Variants in TSPAN9 observed in about 807,000 individuals in gnomAD.
TSPAN9 encodes tetraspanin-9.
TSPAN9 carries 16 observed loss-of-function variants against 31.0 expected under a neutral mutation model. The observed-to-expected ratio is 0.52, with a 90% CI of 0.35 to 0.78. The LOEUF (loss-of-function observed/expected upper bound fraction) is 0.78. TSPAN9 is among the 30% of genes least tolerant of loss of function. The pLI is 0.01. For synonymous variants in TSPAN9, 145 were observed against 121.6 expected (o/e 1.19, Z -1.27); for missense variants, 272 against 312.5 (o/e 0.87, Z 0.98).
intron 2 of TSPAN9, among the ~76,000 whole-genome samples, chr12:3,085,487 G>A (rs934585096): frequency 6.6e-6 from 1 of 151,666 alleles, no homozygotes; most frequent in Non-Finnish European, 1.5e-5. Flanking sequence ...CAGACAGGAC[G>A]TTGATCCTCT....
At chr12:3,140,079 C>G (rs901790135) in intron 2 of TSPAN9, among the ~76,000 whole-genome samples, 4 of 152,176 alleles carry the variant, frequency 2.6e-5, no homozygotes, top group Non-Finnish European at 5.9e-5. Flanking sequence ...GGAAGGGTAT[C>G]TCAGGGCAGC....
At chr12:3,236,659 G>T (rs993560086) in intron 3 of TSPAN9, among the ~76,000 whole-genome samples, 11 of 152,290 alleles carry the variant, frequency 7.2e-5, no homozygotes, top group African/African-American at 2.4e-4. Context: ...TGGAGGCGGG[G>T]GTAGAGAAGA....
At chr12:3,123,868 G>A (rs1251305910) in intron 2 of TSPAN9, among the ~76,000 whole-genome samples, 1 of 152,102 alleles carries the variant, frequency 6.6e-6, no homozygotes, top group African/African-American at 2.4e-5. Context: ...GAGGATGTGC[G>A]GAAGAGTTTA....
At chr12:3,196,353 ATCTAAT>A (rs1203369279) in intron 2 of TSPAN9, among the ~76,000 whole-genome samples, 1 of 152,106 alleles carries the variant, frequency 6.6e-6, no homozygotes, top group Admixed American at 6.5e-5. Flanking sequence ...GGGTCCTTTC[ATCTAAT>A]GACATCACAT....
intron 2 of TSPAN9, among the ~76,000 whole-genome samples, chr12:3,153,034 T>G (rs1242013521): frequency 6.6e-6 from 1 of 152,180 alleles, no homozygotes; most frequent in Admixed American, 6.5e-5. Flanking sequence ...GAGCTTCCTT[T>G]TATGGTGCGT....
At chr12:3,127,799 T>C (rs1360842602) in intron 2 of TSPAN9, among the ~76,000 whole-genome samples, 1 of 152,210 alleles carries the variant, frequency 6.6e-6, no homozygotes, top group African/African-American at 2.4e-5. Flanking sequence ...GGTAGACATA[T>C]TTTTAAAAAA....
At chr12:3,151,616 C>G (rs917404646) in intron 2 of TSPAN9, 1 of 152,252 alleles carries the variant, frequency 6.6e-6, no homozygotes, top group Admixed American at 6.5e-5. Flanking sequence ...GACTTGGCTG[C>G]CTCTTCCCGC....
intron 3 of TSPAN9, among the ~76,000 whole-genome samples, chr12:3,207,004 A>G (rs2098375611): frequency 6.6e-6 from 1 of 152,130 alleles, no homozygotes; most frequent in Admixed American, 6.5e-5. Context: ...AGGGGGAGAC[A>G]GCACCTGCTG....
intron 3 of TSPAN9, among the ~76,000 whole-genome samples, chr12:3,233,784 C>G (rs901179763): frequency 6.6e-6 from 1 of 152,200 alleles, no homozygotes; most frequent in Admixed American, 6.5e-5. Flanking sequence ...TCCTGCATCA[C>G]GGGGCAAGGA....
intron 3 of TSPAN9, among the ~76,000 whole-genome samples, chr12:3,246,307 T>C (rs1862126386): frequency 6.6e-6 from 1 of 151,930 alleles, no homozygotes; most frequent in South Asian, 2.1e-4. Flanking sequence ...CTTCCAGCAT[T>C]GGGGGTTACA....
chr12:3,233,454 G>A (rs1239659894), intron 3 of TSPAN9, among the ~76,000 whole-genome samples: 1 of 152,154 alleles, frequency 6.6e-6, no homozygotes, highest in Admixed American at 6.6e-5. Flanking sequence ...GCCTTTTTAT[G>A]TAATGTTGCC....
chr12:3,108,294 T>C (rs543270256), intron 2 of TSPAN9, among the ~76,000 whole-genome samples: 2 of 152,352 alleles, frequency 1.3e-5, no homozygotes, highest in East Asian at 3.9e-4. Flanking sequence ...AACTATTCAT[T>C]CTGCATTCAC....
At chr12:3,211,846 C>T in intron 3 of TSPAN9, 1 of 1,595,650 alleles carries the variant, frequency 6.3e-7, no homozygotes, top group East Asian at 2.2e-5. Context: ...GGCTCTGCAC[C>T]AGGCGTTTCT....
rs369335803 is a variant in TSPAN9 at position 3,206,592 on chromosome 12, T to TTG, written c.63+5338_63+5339dup. ...AAAACAGCCTTCCTTTTGTTTTGTT[T>TTG]TGTTTTTTTTTTTCCTTAGTTTGAA... On this transcript the variant is annotated intron_variant, in intron 3 of 8. Coordinates refer to ENST00000011898, the MANE Select transcript of TSPAN9 (RefSeq NM_006675.5). 4.1e-3 allele frequency among the ~76,000 whole-genome samples: 631 copies of TTG among 152,068 alleles called. 1 individual carries two copies. Among genetic ancestry groups the TTG allele is most frequent in the African/African-American group, 0.015 (604 of 41,506 alleles).
In TSPAN9 at chr12:3,278,516, A is replaced by G; in HGVS notation, c.159A>G (p.Ala53=). Residue 53 remains alanine, a synonymous_variant, in exon 4 of 9, where the codon GCA becomes GCG. Transcript: ENST00000011898. ...TFSPSFPSLS[A]ANLVIAIGTI... ...CCCCCAGCTTCCCTTCGTTGTCTGC[A>G]GCCAACCTGGTCATTGCCATAGGCA... 3 of 1,614,188 alleles carry G rather than the reference A, an allele frequency of 1.9e-6. No homozygotes were observed. The highest frequency in any genetic ancestry group is 2.5e-6 in the Non-Finnish European group (3 of 1,180,018).
At chr12:3,204,905 A>G (rs938548758) in intron 3 of TSPAN9, among the ~76,000 whole-genome samples, 101 of 152,212 alleles carry the variant, frequency 6.6e-4, no homozygotes, top group African/African-American at 2.4e-3. Context: ...GCCATCTGGT[A>G]GAATACTGGT....
chr12:3,181,102 G>A (rs970029901), intron 2 of TSPAN9, among the ~76,000 whole-genome samples: 3 of 152,084 alleles, frequency 2.0e-5, no homozygotes, highest in East Asian at 1.9e-4. Context: ...GAGAAGACTC[G>A]GGGCCCATGG....
At chr12:3,085,923 C>T (rs936105871) in intron 2 of TSPAN9, among the ~76,000 whole-genome samples, 3 of 152,146 alleles carry the variant, frequency 2.0e-5, no homozygotes, top group Admixed American at 6.5e-5. Flanking sequence ...AAGTTGTTTG[C>T]GGAGATGGTC....
rs868149195 is a variant in TSPAN9, at chr12:3,130,276, T to C, written c.-18+46557T>C. 8.5e-5 allele frequency among the ~76,000 whole-genome samples: 13 copies of C among 152,362 alleles called. 1 individual carries two copies. In the South Asian group the frequency reaches 1.9e-3, roughly 22 times the overall value. ...GCAGCCTGCGGTTTCGCCCTAAAGCTGATCGAGCTGGTGAAAACGGAAGTT... is the reference window on the plus strand; with the variant it reads ...GCAGCCTGCGGTTTCGCCCTAAAGCCGATCGAGCTGGTGAAAACGGAAGTT... On this transcript the variant is annotated intron_variant, in intron 2 of 8. Transcript: ENST00000011898.
Sources: allele counts gnomAD v4.1 joint callset (sites outside exome capture counted in the v4.1 genomes callset), GRCh38; gene constraint gnomAD v4.1.1; transcripts MANE v1.5; gene names NCBI Gene and HGNC (gene_info 2026-07-23, HGNC 2026-07-21).